LPP: variants seen among roughly 807,000 people sequenced by gnomAD.
The protein encoded by LPP is LIM domain containing preferred translocation partner in lipoma.
A neutral mutation model predicts 60.4 loss-of-function variants in LPP; 38 were observed. The observed-to-expected ratio is 0.63, with a 90% CI of 0.49 to 0.83. LPP has a LOEUF of 0.83. Ranked by LOEUF, LPP falls within the 40% of genes least tolerant of loss-of-function variation. LPP has a pLI of 0.00. For synonymous variants in LPP, 328 were observed against 290.8 expected, an observed-to-expected ratio of 1.13 and a Z score of -1.30; for missense variants, 902 against 783.6, an observed-to-expected ratio of 1.15 and a Z score of -1.80.
At chr3:188,807,476 T>C (rs1326438754) in intron 9 of LPP, among the ~76,000 whole-genome samples, 1 of 152,050 alleles carries the variant, frequency 6.6e-6, no homozygotes, top group African/African-American at 2.4e-5. Context: ...GCCTTCATTC[T>C]TTTATATTTT....
chr3:188,642,018 A>G (rs1850245018), intron 7 of LPP, among the ~76,000 whole-genome samples: 2 of 152,180 alleles, frequency 1.3e-5, no homozygotes, highest in Non-Finnish European at 2.9e-5. Context: ...CCTTGCTTTT[A>G]TAGCAGTTGC....
intron 1 of LPP, among the ~76,000 whole-genome samples, chr3:188,170,879 T>C (rs534471097): frequency 2.0e-5 from 3 of 152,300 alleles, no homozygotes; most frequent in Non-Finnish European, 2.9e-5. Context: ...TCCTCCCCTC[T>C]GGTAGCAACC....
intron 4 of LPP, among the ~76,000 whole-genome samples, chr3:188,462,847 C>G (rs1799478799): frequency 6.6e-6 from 1 of 151,830 alleles, no homozygotes; most frequent in African/African-American, 2.4e-5. Flanking sequence ...TGGGTCACAC[C>G]TGTAATTCCA....
chr3:188,627,862 T>C (rs1416135890), intron 7 of LPP, among the ~76,000 whole-genome samples: 2 of 152,164 alleles, frequency 1.3e-5, no homozygotes, highest in East Asian at 3.9e-4. Flanking sequence ...TACACACCCA[T>C]TCATAAAGCA....
At chr3:188,596,389 C>G (rs1839983301) in intron 6 of LPP, among the ~76,000 whole-genome samples, 2 of 152,122 alleles carry the variant, frequency 1.3e-5, no homozygotes, top group African/African-American at 4.8e-5. Context: ...ATTTTCTACC[C>G]TTCCTCCTAC....
intron 5 of LPP, among the ~76,000 whole-genome samples, chr3:188,496,027 C>CA (rs1810085024): frequency 6.6e-6 from 1 of 152,094 alleles, no homozygotes. Context: ...GTGTTTATAC[C>CA]AATCCTTGAG....
chr3:188,735,014 T>G (rs1390327389), intron 8 of LPP, among the ~76,000 whole-genome samples: 1 of 152,230 alleles, frequency 6.6e-6, no homozygotes, highest in Non-Finnish European at 1.5e-5. Context: ...ATTGGAGTAT[T>G]CACGTCGTTG....
At chr3:188,675,293 G>A (rs1482988760) in intron 7 of LPP, among the ~76,000 whole-genome samples, 1 of 152,136 alleles carries the variant, frequency 6.6e-6, no homozygotes, top group Non-Finnish European at 1.5e-5. Flanking sequence ...AGTGGGTTGC[G>A]GCAAGCCCTG....
chr3:188,643,206 T>C (rs1295966639), intron 7 of LPP, among the ~76,000 whole-genome samples: 2 of 152,188 alleles, frequency 1.3e-5, no homozygotes, highest in Non-Finnish European at 2.9e-5. Flanking sequence ...GTTTCAGAGA[T>C]GAAAGTTGTA....
At chr3:188,768,037 T>A (rs1362149540) in intron 9 of LPP, among the ~76,000 whole-genome samples, 1 of 152,044 alleles carries the variant, frequency 6.6e-6, no homozygotes, top group Non-Finnish European at 1.5e-5. Flanking sequence ...AAAAAGACAC[T>A]CAGCATAGAT....
chr3:188,807,664 T>C (rs1008023389), intron 9 of LPP, among the ~76,000 whole-genome samples: 1 of 152,162 alleles, frequency 6.6e-6, no homozygotes, highest in African/African-American at 2.4e-5. Context: ...TCTCTGTTAC[T>C]ATGATTTTCA....
chr3:188,553,760 A>G (rs376664761), intron 6 of LPP: 2 of 152,198 alleles, frequency 1.3e-5, no homozygotes, highest in Non-Finnish European at 2.9e-5. Context: ...GTTGTGTTGC[A>G]GAGGAAAGCA....
At chr3:188,828,777 G>T (rs1021579938) in intron 9 of LPP, among the ~76,000 whole-genome samples, 1 of 151,934 alleles carries the variant, frequency 6.6e-6, no homozygotes, top group Non-Finnish European at 1.5e-5. Context: ...TCAATGAGAT[G>T]ACACATGTAA....
intron 3 of LPP, among the ~76,000 whole-genome samples, chr3:188,385,600 C>T (rs368387932): frequency 6.6e-6 from 1 of 152,206 alleles, no homozygotes; most frequent in South Asian, 2.1e-4. Context: ...ATAAAATTAG[C>T]TACATATCTC....
intron 5 of LPP, among the ~76,000 whole-genome samples, chr3:188,511,035 C>G (rs565520992): frequency 1.3e-4 from 20 of 150,014 alleles, no homozygotes; most frequent in Non-Finnish European, 2.4e-4. Context: ...CTCTTTCCCT[C>G]CCTCCCCTTC....
intron 8 of LPP, among the ~76,000 whole-genome samples, chr3:188,720,101 T>C (rs1361171215): frequency 6.6e-6 from 1 of 152,118 alleles, no homozygotes; most frequent in East Asian, 1.9e-4. Flanking sequence ...TTAGTAGCTA[T>C]GGGGTTTTAC....
chr3:188,763,919 ATATTTTT>A (rs1231420136), intron 9 of LPP, among the ~76,000 whole-genome samples: 3 of 152,140 alleles, frequency 2.0e-5, no homozygotes, highest in Non-Finnish European at 4.4e-5. Context: ...TTCTTTAGAA[ATATTTTT>A]CTAATTTACA....
intron 3 of LPP, among the ~76,000 whole-genome samples, 196 bp downstream of exon 3, chr3:188,341,915 A>T (rs1763162064): frequency 6.6e-6 from 1 of 152,136 alleles, no homozygotes. Context: ...TTCCCTTTTA[A>T]TTCATAGCCC....
chr3:188,486,757 T>C (rs1340919923), intron 5 of LPP, among the ~76,000 whole-genome samples: 1 of 152,222 alleles, frequency 6.6e-6, no homozygotes, highest in East Asian at 1.9e-4. Context: ...TCTTGCATTT[T>C]ATTTTGGTGT....
Sources: gnomAD v4.1 joint callset for allele counts (sites outside exome capture counted in the v4.1 genomes callset) on GRCh38, gnomAD v4.1.1 for gene constraint, MANE v1.5 for transcripts, NCBI Gene and HGNC (gene_info 2026-07-23, HGNC 2026-07-21) for gene names.